Variants in DCDC1 observed in about 807,000 individuals in gnomAD.
DCDC1 encodes doublecortin domain containing 1, also known as doublecortin domain-containing protein 1.
Under a neutral mutation model 178.3 loss-of-function variants are expected in DCDC1, and 200 were observed. That is an observed-to-expected ratio of 1.12 (90% CI 1.00 to 1.26). The LOEUF (loss-of-function observed/expected upper bound fraction) is 1.26, where lower values mean the gene tolerates loss of function less well. DCDC1 is among the 50% of genes most tolerant of loss of function. The pLI, the probability that DCDC1 is intolerant of heterozygous loss-of-function variation, is 0.00. For synonymous variants in DCDC1, 690 were observed against 604.8 expected (o/e 1.14, Z -2.07); for missense variants, 1,983 against 1,749.2 (o/e 1.13, Z -2.38).
At chr11:31,091,877 G>A (rs1249302762) in intron 16 of DCDC1, among the ~76,000 whole-genome samples, 1 of 152,122 alleles carries the variant, frequency 6.6e-6, no homozygotes, top group Non-Finnish European at 1.5e-5. Context: ...AAAAAATAGT[G>A]CAGTGAACTG....
chr11:30,926,319 A>G (rs1375563587), intron 22 of DCDC1, among the ~76,000 whole-genome samples: 3 of 152,174 alleles, frequency 2.0e-5, no homozygotes, highest in Admixed American at 6.5e-5. Context: ...ACAGAAACCA[A>G]CTGAAAGTAC....
chr11:31,174,458 C>T (rs867708744), intron 9 of DCDC1, among the ~76,000 whole-genome samples: 3 of 152,148 alleles, frequency 2.0e-5, no homozygotes, highest in Admixed American at 6.5e-5. Context: ...CGGTGCTGGC[C>T]GGCAGGCACC....
At chr11:31,020,151 C>A (rs1418676837) in intron 20 of DCDC1, among the ~76,000 whole-genome samples, 1 of 152,130 alleles carries the variant, frequency 6.6e-6, no homozygotes. Context: ...ACAAGAGGTG[C>A]TGGATAAGTA....
intron 18 of DCDC1, among the ~76,000 whole-genome samples, chr11:31,076,563 C>T (rs763489261): frequency 1.2e-4 from 19 of 152,148 alleles, no homozygotes; most frequent in Middle Eastern, 3.4e-3. Context: ...CCCATGCTGG[C>T]CTCAAACTCC....
chr11:31,199,910 A>G (rs577472311), intron 9 of DCDC1, among the ~76,000 whole-genome samples: 1 of 152,270 alleles, frequency 6.6e-6, no homozygotes, highest in South Asian at 2.1e-4. Flanking sequence ...CATGTTTTTG[A>G]AAAATACTAA....
intron 21 of DCDC1, among the ~76,000 whole-genome samples, chr11:30,941,116 A>C (rs1026454625): frequency 1.3e-5 from 2 of 152,152 alleles, no homozygotes; most frequent in African/African-American, 4.8e-5. Flanking sequence ...AGGACCCTAT[A>C]TCAAGGACCC....
intron 31 of DCDC1, 128 bp from the exon 32 acceptor site, chr11:30,903,811 T>G: frequency 1.2e-6 from 1 of 803,450 alleles, no homozygotes; most frequent in Non-Finnish European, 1.8e-6. Flanking sequence ...AAAGCTGAAT[T>G]ACTAATGATG....
At chr11:31,119,091 G>A (rs904969721) in intron 11 of DCDC1, among the ~76,000 whole-genome samples, 1 of 152,110 alleles carries the variant, frequency 6.6e-6, no homozygotes, top group African/African-American at 2.4e-5. Context: ...GGAAAAGAGC[G>A]CTGCAAAGAA....
chr11:31,307,661 T>C lies in DCDC1; in HGVS notation c.412A>G (p.Ser138Gly). The part of the protein sequence containing the change: ...ISASKRNRPV[S>G]APVGQLRVAE... Reference sequence around the variant, plus strand: ...TACCTCAGTTGACCCACTGGAGCACTGACAGGTCTGTTTCTCTTGGATGCT... The same window carrying C: ...TACCTCAGTTGACCCACTGGAGCACCGACAGGTCTGTTTCTCTTGGATGCT... The change falls in exon 4 of 39, where the codon AGT becomes GGT. Residue 138 changes from serine (S) to glycine (G), a missense_variant. Transcript: ENST00000684477. The C allele has an allele frequency of 6.2e-7, 1 of 1,614,096 alleles. No individual in the cohort carries two copies. The highest frequency in any genetic ancestry group is 1.1e-5 in the South Asian group (1 of 91,088).
chr11:30,893,750 G>C (rs1042891549), intron 35 of DCDC1, among the ~76,000 whole-genome samples: 1 of 152,034 alleles, frequency 6.6e-6, no homozygotes, highest in East Asian at 1.9e-4. Flanking sequence ...CTCTCTCCCC[G>C]GTCCTCTCTC....
intron 7 of DCDC1, among the ~76,000 whole-genome samples, chr11:31,275,763 C>A (rs1945941238): frequency 6.6e-6 from 1 of 152,176 alleles, no homozygotes; most frequent in South Asian, 2.1e-4. Context: ...CTTGGCCTCC[C>A]AAAGAGCCAC....
intron 21 of DCDC1, chr11:30,944,389 TA>T (rs1452834172): frequency 2.2e-6 from 1 of 454,618 alleles, no homozygotes; most frequent in Non-Finnish European, 4.4e-6. Flanking sequence ...GTTGGAAACT[TA>T]AATCCGGTAT....
At chr11:30,895,998 G>C (rs561426030) in intron 34 of DCDC1, among the ~76,000 whole-genome samples, 1 of 152,186 alleles carries the variant, frequency 6.6e-6, no homozygotes, top group African/African-American at 2.4e-5. Flanking sequence ...ATTGAGTATA[G>C]AAAACAGGAA....
At chr11:31,062,739 G>A (rs886183232) in intron 20 of DCDC1, among the ~76,000 whole-genome samples, 1 of 151,404 alleles carries the variant, frequency 6.6e-6, no homozygotes, top group Non-Finnish European at 1.5e-5. Context: ...AAAATTCCAG[G>A]TGGAATATGT....
intron 9 of DCDC1, among the ~76,000 whole-genome samples, chr11:31,182,866 CA>C (rs1451304845): frequency 2.6e-5 from 4 of 151,680 alleles, no homozygotes; most frequent in Admixed American, 2.6e-4. Flanking sequence ...ATCTCATGTG[CA>C]AAGACACAAA....
chr11:31,333,067 G>A (rs777175512), intron 2 of DCDC1, among the ~76,000 whole-genome samples: 8 of 152,182 alleles, frequency 5.3e-5, no homozygotes, highest in Non-Finnish European at 1.2e-4. Context: ...GGGTGCTCCT[G>A]TATTGGGTGC....
chr11:30,933,300 A>G (rs1445221144), intron 21 of DCDC1, among the ~76,000 whole-genome samples: 1 of 151,942 alleles, frequency 6.6e-6, no homozygotes, highest in African/African-American at 2.4e-5. Context: ...AGTTTTTTTA[A>G]AAGTCTATTT....
chr11:31,293,801 T>A (rs1947402224), intron 6 of DCDC1, among the ~76,000 whole-genome samples: 1 of 152,200 alleles, frequency 6.6e-6, no homozygotes, highest in Non-Finnish European at 1.5e-5. Flanking sequence ...AACTGGTATG[T>A]GGTGGCACTG....
intron 22 of DCDC1, among the ~76,000 whole-genome samples, chr11:30,931,440 A>G (rs1267874429): frequency 6.6e-6 from 1 of 152,104 alleles, no homozygotes; most frequent in Non-Finnish European, 1.5e-5. Flanking sequence ...AAGGATGTTG[A>G]GTTCAATTAT....
Sources: allele counts gnomAD v4.1 joint callset (sites outside exome capture counted in the v4.1 genomes callset), GRCh38; gene constraint gnomAD v4.1.1; transcripts MANE v1.5; gene names NCBI Gene and HGNC (gene_info 2026-07-23, HGNC 2026-07-21).